CNTNAP5: variants seen among roughly 807,000 people sequenced by gnomAD.
CNTNAP5 encodes the protein contactin associated protein family member 5.
CNTNAP5 carries 72 observed loss-of-function variants against 150.2 expected under a neutral mutation model. The ratio of observed to expected loss-of-function variants is 0.48; its 90% CI spans 0.40 to 0.58. The LOEUF (loss-of-function observed/expected upper bound fraction) is 0.58, where lower values mean the gene tolerates loss of function less well. CNTNAP5 is among the 20% of genes least tolerant of loss of function. The pLI, the probability that CNTNAP5 is intolerant of heterozygous loss-of-function variation, is 0.00. For missense variants in CNTNAP5, 1,636 were observed against 1,626.2 expected (o/e 1.01, Z -0.10); for synonymous variants, 672 against 619.8 (o/e 1.08, Z -1.25).
intron 12 of CNTNAP5, among the ~76,000 whole-genome samples, chr2:124,637,438 G>T (rs1677994261): frequency 6.6e-6 from 1 of 152,168 alleles, no homozygotes; most frequent in Non-Finnish European, 1.5e-5. Flanking sequence ...TGCCTTTTTA[G>T]TGCAGCCCGT....
intron 13 of CNTNAP5, among the ~76,000 whole-genome samples, chr2:124,743,825 C>T (rs1252794998): frequency 3.3e-5 from 5 of 152,238 alleles, no homozygotes; most frequent in Admixed American, 3.3e-4. Context: ...ACATTTGCAA[C>T]ATTTTGCAAA....
At chr2:124,564,784 G>T (rs1253732614) in intron 11 of CNTNAP5, among the ~76,000 whole-genome samples, 1 of 152,198 alleles carries the variant, frequency 6.6e-6, no homozygotes, top group African/African-American at 2.4e-5. Flanking sequence ...GATTGAGAAA[G>T]ATAATTCTGA....
rs1406537933 is a variant in CNTNAP5, at chr2:124,706,706, C to T, written c.2078-40523C>T. On this transcript the variant is annotated intron_variant, in intron 13 of 23. Coordinates refer to ENST00000682447, the MANE Select transcript of CNTNAP5 (RefSeq NM_001367498.1). Reference sequence around the variant, plus strand: ...AGGTTGCAGTGAGCTGAGATTATACCACTACATTCCACCCTGAGTGACAGA... The same window carrying T: ...AGGTTGCAGTGAGCTGAGATTATACTACTACATTCCACCCTGAGTGACAGA... Among the ~76,000 whole-genome samples, 6 of 148,374 alleles carry T rather than the reference C, an allele frequency of 4.0e-5. No homozygotes were observed. The Admixed American group carries it at 4.1e-4, about 10-fold the overall frequency.
intron 1 of CNTNAP5, among the ~76,000 whole-genome samples, chr2:124,148,529 T>TTA (rs1376991605): frequency 1.4e-5 from 2 of 146,634 alleles, no homozygotes; most frequent in South Asian, 2.1e-4. Context: ...TATATACATA[T>TTA]TATATATATA....
intron 6 of CNTNAP5, among the ~76,000 whole-genome samples, chr2:124,473,923 T>G (rs1257508109): frequency 6.6e-6 from 1 of 152,044 alleles, no homozygotes; most frequent in Non-Finnish European, 1.5e-5. Flanking sequence ...TCATAACCTT[T>G]CCAAAGTGAA....
At chr2:124,157,646 A>C (rs1005994378) in intron 1 of CNTNAP5, among the ~76,000 whole-genome samples, 2 of 152,226 alleles carry the variant, frequency 1.3e-5, no homozygotes, top group African/African-American at 4.8e-5. Context: ...AATAGTTTGG[A>C]GTAAGTTATG....
chr2:124,079,363 T>A (rs769705899), intron 1 of CNTNAP5, among the ~76,000 whole-genome samples: 1 of 152,174 alleles, frequency 6.6e-6, no homozygotes, highest in Non-Finnish European at 1.5e-5. Context: ...GTATGGAAGC[T>A]CCAGGCACTC....
chr2:124,132,187 A>G (rs1183778003), intron 1 of CNTNAP5, among the ~76,000 whole-genome samples: 1 of 152,168 alleles, frequency 6.6e-6, no homozygotes. Flanking sequence ...TTGAGTGGAA[A>G]GGTCTGGAGA....
At chr2:124,606,442 G>A (rs1269577813) in intron 11 of CNTNAP5, among the ~76,000 whole-genome samples, 1 of 151,930 alleles carries the variant, frequency 6.6e-6, no homozygotes, top group African/African-American at 2.4e-5. Flanking sequence ...AATGAACTAA[G>A]AATGAAAAGT....
At chr2:124,708,102 A>G (rs749541772) in intron 13 of CNTNAP5, among the ~76,000 whole-genome samples, 7 of 152,168 alleles carry the variant, frequency 4.6e-5, no homozygotes, top group Non-Finnish European at 7.3e-5. Flanking sequence ...ATGTTCTTTG[A>G]GTTTTAATTA....
At chr2:124,695,475 C>G (rs1211486236) in intron 13 of CNTNAP5, among the ~76,000 whole-genome samples, 4 of 152,148 alleles carry the variant, frequency 2.6e-5, no homozygotes, top group Non-Finnish European at 1.5e-5. Context: ...CTAGTATAAG[C>G]TGTCTGCAGA....
At position 124,588,483 on chromosome 2, in the gene CNTNAP5, G is replaced by C. The variant is rs577737706; in HGVS notation, c.1757-21318G>C. Among the ~76,000 whole-genome samples the C allele has an allele frequency of 1.9e-3, 283 of 151,928 alleles. 1 individual carries two copies. Among genetic ancestry groups the C allele is most frequent in the African/African-American group, 6.5e-3 (269 of 41,430 alleles). On this transcript the variant is annotated intron_variant, in intron 11 of 23. Transcript: ENST00000682447. ...AACCAATACTTTAGAAGGTGTGTGT[G>C]CCCACTGAGAAGGTTCAAGCCTTGC...
intron 10 of CNTNAP5, among the ~76,000 whole-genome samples, chr2:124,530,456 T>C (rs925777955): frequency 2.0e-5 from 3 of 152,222 alleles, no homozygotes; most frequent in Non-Finnish European, 4.4e-5. Context: ...CCCTGACACC[T>C]GCTTCCCAGT....
At chr2:124,706,795 A>AAGAAGGAGGAGG (rs1553433527) in intron 13 of CNTNAP5, among the ~76,000 whole-genome samples, 3 of 18,880 alleles carry the variant, frequency 1.6e-4, no homozygotes, top group Non-Finnish European at 3.1e-4. Context: ...GAAGAAGAAG[A>AAGAAGGAGGAGG]AGGAGGAGGA....
At chr2:124,298,764 C>T (rs962343091) in intron 3 of CNTNAP5, among the ~76,000 whole-genome samples, 2 of 152,082 alleles carry the variant, frequency 1.3e-5, no homozygotes, top group African/African-American at 4.8e-5. Context: ...TCTTGTCATA[C>T]TTCAAGACCC....
chr2:124,733,005 C>A (rs1680305044), intron 13 of CNTNAP5, among the ~76,000 whole-genome samples: 1 of 152,092 alleles, frequency 6.6e-6, no homozygotes, highest in Admixed American at 6.5e-5. Context: ...TGAATAATTG[C>A]AATGGCATTT....
intron 1 of CNTNAP5, among the ~76,000 whole-genome samples, chr2:124,171,328 A>G (rs1198406932): frequency 6.6e-6 from 1 of 152,178 alleles, no homozygotes; most frequent in Non-Finnish European, 1.5e-5. Context: ...ATGGTACCCC[A>G]TTTGGCCAGC....
At chr2:124,789,728 C>T (rs1681680926) in intron 17 of CNTNAP5, among the ~76,000 whole-genome samples, 174 bp from the exon 18 acceptor site, 1 of 152,126 alleles carries the variant, frequency 6.6e-6, no homozygotes, top group Non-Finnish European at 1.5e-5. Context: ...CTAGGACATG[C>T]ATTTATTTGA....
intron 17 of CNTNAP5, among the ~76,000 whole-genome samples, chr2:124,783,354 T>A (rs539432679): frequency 6.6e-6 from 1 of 152,172 alleles, no homozygotes; most frequent in African/African-American, 2.4e-5. Context: ...CATATAGAAT[T>A]ACCATGACTT....
Sources: gnomAD v4.1 joint callset for allele counts (sites outside exome capture counted in the v4.1 genomes callset) on GRCh38, gnomAD v4.1.1 for gene constraint, MANE v1.5 for transcripts, NCBI Gene and HGNC (gene_info 2026-07-23, HGNC 2026-07-21) for gene names.